ANKRD27: variants seen among roughly 807,000 people sequenced by gnomAD.
ANKRD27 encodes the protein ankyrin repeat domain-containing protein 27.
In ANKRD27, 112 loss-of-function variants were observed where a neutral mutation model predicts 129.7. The observed-to-expected ratio is 0.86, with a 90% CI of 0.74 to 1.01. The LOEUF (loss-of-function observed/expected upper bound fraction) is 1.01, where lower values mean the gene tolerates loss of function less well. Ranked by LOEUF, ANKRD27 falls within the 50% of genes least tolerant of loss-of-function variation. The probability of loss-of-function intolerance (pLI) is 0.00; values close to 1 mark genes in which losing one functional copy is unlikely to be tolerated. For synonymous variants in ANKRD27, 516 were observed against 511.2 expected (o/e 1.01, Z -0.13); for missense variants, 1,258 against 1,300.5 (o/e 0.97, Z 0.50).
intron 15 of ANKRD27, among the ~76,000 whole-genome samples, chr19:32,627,272 G>A (rs62124307): frequency 0.036 from 5,453 of 152,144 alleles, 145 homozygotes; most frequent in South Asian, 0.078. Context: ...AGACACCCCA[G>A]ACACTCATCA....
Position 32,605,921 on chromosome 19 carries a change from G to A in ANKRD27, c.2407C>T (p.Pro803Ser), listed in dbSNP as rs138949628. 1.4e-5 allele frequency: 22 copies of A among 1,613,886 alleles called. No homozygotes were observed. Among genetic ancestry groups the A allele is most frequent in the Middle Eastern group, 1.6e-4 (1 of 6,084 alleles). Residue 803 changes from proline (P) to serine (S), a missense_variant, in exon 24 of 29, where the codon CCC (proline) becomes TCC (serine). Physicochemically the swap from Pro to Ser is moderately conservative, Grantham distance 74. Coordinates refer to ENST00000306065, the MANE Select transcript of ANKRD27 (RefSeq NM_032139.3). ...VKCLLDSNAK[P>S]NKKDLSGNTP... ...TTTCCACTGAGGTCCTTCTTATTGG[G>A]TTTTGCATTCGAATCTAACAGACAC... is the stretch of plus-strand genomic sequence containing the variant.
At position 32,597,520 on chromosome 19, in the gene ANKRD27, G is replaced by T. The variant is rs566723852; in HGVS notation, c.*625C>A. The T allele has an allele frequency of 5.9e-5, 9 of 153,708 alleles. No individual in the cohort carries two copies. Among genetic ancestry groups the T allele is most frequent in the Non-Finnish European group, 1.0e-4 (7 of 68,778 alleles). The allele number at this position is 153,708 out of a possible 1,614,324, so 9.5% of individuals were successfully genotyped here. A position where few individuals can be genotyped will look rare whatever the true frequency, so the allele number is the denominator to read the frequency against. On this transcript the variant is annotated 3_prime_UTR_variant, in exon 29 of 29. Transcript: ENST00000306065. The stretch of plus-strand genomic sequence containing the variant: ...TGTACCTACTTGTTAGAAGGAAAAT[G>T]ATAACCACCCTTTCCCATGTGCATG...
chr19:32,673,713 C>T (rs1197998584), intron 1 of ANKRD27, among the ~76,000 whole-genome samples: 1 of 152,190 alleles, frequency 6.6e-6, no homozygotes, highest in Non-Finnish European at 1.5e-5. Flanking sequence ...GTACCCAAGC[C>T]CTGGCAGCAA....
At chr19:32,642,272 G>C (rs1967216691) in intron 9 of ANKRD27, 127 bp from the exon 10 acceptor site, 11 of 949,860 alleles carry the variant, frequency 1.2e-5, no homozygotes, top group Admixed American at 3.5e-5. Context: ...CACAAAAACA[G>C]ATACTGAGAA....
intron 26 of ANKRD27, among the ~76,000 whole-genome samples, chr19:32,601,674 C>T (rs1480603530): frequency 6.6e-6 from 1 of 151,692 alleles, no homozygotes; most frequent in Non-Finnish European, 1.5e-5. Context: ...CAGGAAATGC[C>T]CAGAACACCT....
intron 1 of ANKRD27, among the ~76,000 whole-genome samples, chr19:32,674,215 G>A (rs1967933179): frequency 1.3e-5 from 2 of 152,132 alleles, no homozygotes; most frequent in Non-Finnish European, 2.9e-5. Flanking sequence ...CTACTCTTCG[G>A]CCAGTGGGAA....
chr19:32,602,412 C>CAT (rs1022071784), intron 25 of ANKRD27, among the ~76,000 whole-genome samples: 20 of 152,056 alleles, frequency 1.3e-4, no homozygotes, highest in Admixed American at 3.3e-4. Context: ...GATCTACTAT[C>CAT]ATATGCTTAT....
chr19:32,604,269 A>G lies in ANKRD27; in HGVS notation c.2649T>C (p.Ala883=), dbSNP rs752739310. 16 of 1,607,680 alleles carry G rather than the reference A, an allele frequency of 1.0e-5. No individual in the cohort carries two copies. Among genetic ancestry groups the G allele is most frequent in the South Asian group, 9.9e-5 (9 of 90,844 alleles). Residue 883 remains alanine (A), a synonymous_variant, in exon 25 of 29, where the codon GCT becomes GCC. Transcript: ENST00000306065. ...NKRQRTAVDC[A]EQNSKIMELL... ...TTCGACCCTCTCCACCTACCTGTTC[A>G]GCACAGTCTACAGCCGTGCGCTGCC...
rs764498437 is a variant in ANKRD27 at position 32,625,916 on chromosome 19, C to T, written c.1587G>A (p.Gly529=). ...TGCAGGCCAGGTGGAGTGGCGTATTCCCATTGTTGTCCTGCACTTCCGCGC... is the reference window on the plus strand; with the variant it reads ...TGCAGGCCAGGTGGAGTGGCGTATTTCCATTGTTGTCCTGCACTTCCGCGC... ...KASAEVQDNN[G]NTPLHLACTY... Residue 529 remains glycine (G), a synonymous_variant, in exon 17 of 29, where the codon GGG becomes GGA. Transcript: ENST00000306065. 1 of 1,611,416 alleles carries T rather than the reference C, an allele frequency of 6.2e-7. No homozygotes were observed. Among genetic ancestry groups the T allele is most frequent in the African/African-American group, 1.3e-5 (1 of 74,972 alleles).
At chr19:32,605,360 C>G (rs1008993221) in intron 24 of ANKRD27, among the ~76,000 whole-genome samples, 3 of 152,058 alleles carry the variant, frequency 2.0e-5, no homozygotes, top group African/African-American at 7.2e-5. Flanking sequence ...AGAGCAAGAC[C>G]TTGTCTCAAA....
At chr19:32,648,094 C>T (rs962283528) in intron 3 of ANKRD27, among the ~76,000 whole-genome samples, 2 of 151,968 alleles carry the variant, frequency 1.3e-5, no homozygotes, top group Non-Finnish European at 2.9e-5. Context: ...GGTGAAACCC[C>T]GTCTCTATTA....
At chr19:32,631,376 C>A in intron 13 of ANKRD27, 26 bp downstream of exon 13, 1 of 1,597,080 alleles carries the variant, frequency 6.3e-7, no homozygotes, top group Non-Finnish European at 8.6e-7. Flanking sequence ...CCCACATTTA[C>A]CCACAGAGAT....
intron 2 of ANKRD27, among the ~76,000 whole-genome samples, chr19:32,656,143 G>GAAAAGAAAAGAAAAGAAAAGA (rs1430120758): frequency 7.1e-6 from 1 of 140,784 alleles, no homozygotes; most frequent in African/African-American, 2.7e-5. Flanking sequence ...AAAAGAAAAA[G>GAAAAGAAAAGAAAAGAAAAGA]AAAAGCCTGA....
chr19:32,630,193 A>T (rs977783644), intron 13 of ANKRD27, among the ~76,000 whole-genome samples: 1 of 152,210 alleles, frequency 6.6e-6, no homozygotes, highest in Admixed American at 6.5e-5. Context: ...AGGAAACCCC[A>T]TCAACACACA....
rs1249252058 is a variant in ANKRD27, at chr19:32,597,643, T to A, written c.*502A>T. 1 of 160,094 alleles carries A rather than the reference T, an allele frequency of 6.2e-6. No individual in the cohort carries two copies. The highest frequency in any genetic ancestry group is 2.4e-5 in the African/African-American group (1 of 41,578). 9.9% of individuals were successfully genotyped at this position (160,094 alleles called of 1,614,324 possible). A position where few individuals can be genotyped will look rare whatever the true frequency, so the allele number is the denominator to read the frequency against. On this transcript the variant is annotated 3_prime_UTR_variant, in exon 29 of 29. Transcript: ENST00000306065. ...AGTGTTGCTTTGCAAAGAAACATTG[T>A]CCAGCTGCTGCTTTCTTCCTTCAGA...
intron 12 of ANKRD27, 182 bp downstream of exon 12, chr19:32,639,174 C>T (rs930160504): frequency 1.5e-6 from 1 of 650,736 alleles, no homozygotes; most frequent in East Asian, 2.8e-5. Flanking sequence ...ATTTTTACCA[C>T]CAATTGAGGG....
Position 32,658,307 on chromosome 19 carries a change from A to T in ANKRD27, c.102+607T>A, listed in dbSNP as rs543368580. The stretch of plus-strand genomic sequence containing the variant: ...GACCTGAGAACTGGAAAGACCCACA[A>T]TGTGGGGCCCGCCCCCGTCCAGGCA... On this transcript the variant is annotated intron_variant, in intron 2 of 28. Coordinates refer to ENST00000306065, the MANE Select transcript of ANKRD27 (RefSeq NM_032139.3). Among the ~76,000 whole-genome samples, 4 of 152,276 alleles carry T rather than the reference A, an allele frequency of 2.6e-5. No individual in the cohort carries two copies. In the East Asian group the frequency reaches 7.7e-4, roughly 29 times the overall value.
chr19:32,622,552 TCTC>T lies in ANKRD27; in HGVS notation c.1694_1696del (p.Gly565del). The T allele has an allele frequency of 6.2e-7, 1 of 1,614,018 alleles. No homozygotes were observed. Among genetic ancestry groups the T allele is most frequent in the Non-Finnish European group, 8.5e-7 (1 of 1,180,012 alleles). ...GCGGGCAGCAATGTGTAGAGGGGTG[TCTC>T]CTTTCTCATTGCCAATGTCAAGTCT... On this transcript the variant is annotated inframe_deletion, in exon 18 of 29. Coordinates refer to ENST00000306065, the MANE Select transcript of ANKRD27 (RefSeq NM_032139.3).
chr19:32,673,740 T>A (rs1568424640), intron 1 of ANKRD27, among the ~76,000 whole-genome samples: 1 of 152,076 alleles, frequency 6.6e-6, no homozygotes, highest in Non-Finnish European at 1.5e-5. Flanking sequence ...AGCCTACTGC[T>A]CACCCAGTTA....
Sources: gnomAD v4.1 joint callset for allele counts (sites outside exome capture counted in the v4.1 genomes callset) on GRCh38, gnomAD v4.1.1 for gene constraint, MANE v1.5 for transcripts, NCBI Gene and HGNC (gene_info 2026-07-23, HGNC 2026-07-21) for gene names.